FMN1: variants seen among roughly 807,000 people sequenced by gnomAD.
The protein encoded by FMN1 is formin-1.
A neutral mutation model predicts 132.4 loss-of-function variants in FMN1; 110 were observed. The observed-to-expected ratio is 0.83, with a 90% CI of 0.71 to 0.97. The LOEUF (loss-of-function observed/expected upper bound fraction) is 0.97. Among genes scored for constraint, FMN1 ranks in the 50% least tolerant of loss-of-function variants. The pLI is 0.00. For synonymous variants in FMN1, 722 were observed against 651.7 expected, an observed-to-expected ratio of 1.11 and a Z score of -1.64; for missense variants, 1,792 against 1,705.3, an observed-to-expected ratio of 1.05 and a Z score of -0.90.
At chr15:32,899,044 T>G (rs984151352) in intron 14 of FMN1, among the ~76,000 whole-genome samples, 151 bp from the exon 15 acceptor site, 16 of 152,210 alleles carry the variant, frequency 1.1e-4, no homozygotes, top group African/African-American at 2.9e-4. Context: ...CTCTGCTTTA[T>G]CCCATCCATT....
At chr15:32,897,990 A>G (rs1488250674) in intron 15 of FMN1, among the ~76,000 whole-genome samples, 2 of 152,108 alleles carry the variant, frequency 1.3e-5, no homozygotes, top group Non-Finnish European at 2.9e-5. Flanking sequence ...GGGGGCGGGG[A>G]AACGATGAGC....
At chr15:33,190,762 A>G (rs1394701324) in intron 2 of FMN1, among the ~76,000 whole-genome samples, 1 of 152,184 alleles carries the variant, frequency 6.6e-6, no homozygotes, top group African/African-American at 2.4e-5. Flanking sequence ...GCAGCATCAT[A>G]AAGGTGTCTC....
chr15:33,027,679 AT>A (rs57946559), intron 6 of FMN1, among the ~76,000 whole-genome samples: 5,116 of 152,274 alleles, frequency 0.034, 306 homozygotes, highest in African/African-American at 0.12. Context: ...CGACTTTCTC[AT>A]AACTGATACA....
At chr15:33,086,689 T>C (rs1303566087) in intron 5 of FMN1, among the ~76,000 whole-genome samples, 1 of 152,244 alleles carries the variant, frequency 6.6e-6, no homozygotes, top group African/African-American at 2.4e-5. Flanking sequence ...GACCAACAGA[T>C]GTCACTGTTA....
At chr15:33,061,604 T>C (rs935148123) in intron 6 of FMN1, among the ~76,000 whole-genome samples, 5 of 151,990 alleles carry the variant, frequency 3.3e-5, no homozygotes, top group African/African-American at 1.2e-4. Flanking sequence ...TAAGTTTTTC[T>C]AGAAGAATGA....
intron 17 of FMN1, among the ~76,000 whole-genome samples, chr15:32,824,651 TG>T (rs1412640971): frequency 6.6e-6 from 1 of 152,178 alleles, no homozygotes; most frequent in African/African-American, 2.4e-5. Context: ...TGGAGCACAG[TG>T]GTGCAATCAA....
At chr15:32,775,255 C>G (rs1308146534) in intron 20 of FMN1, among the ~76,000 whole-genome samples, 1 of 152,178 alleles carries the variant, frequency 6.6e-6, no homozygotes, top group African/African-American at 2.4e-5. Context: ...GACCCCATCC[C>G]TAACTTGCGA....
At chr15:33,178,511 T>A (rs1965592493) in intron 3 of FMN1, among the ~76,000 whole-genome samples, 1 of 152,222 alleles carries the variant, frequency 6.6e-6, no homozygotes, top group Admixed American at 6.5e-5. Flanking sequence ...CCCATGAACT[T>A]ACACTTTTGG....
intron 10 of FMN1, among the ~76,000 whole-genome samples, chr15:32,917,090 T>C (rs944211456): frequency 4.0e-5 from 6 of 151,822 alleles, no homozygotes; most frequent in South Asian, 2.1e-4. Context: ...CTCCCAACAA[T>C]GAGGTCATCC....
At position 32,911,549 on chromosome 15, in the gene FMN1, T is replaced by C. The variant is rs527871030; in HGVS notation, c.3227-1014A>G. On this transcript the variant is annotated intron_variant, in intron 10 of 20. Coordinates refer to ENST00000616417, the MANE Select transcript of FMN1 (RefSeq NM_001277313.2). ...GACCAAGGTAAGGGGCAGGTTGTTT[T>C]TGAGGTATTTTGCTTCTTCTGTGGT... is the stretch of plus-strand genomic sequence containing the variant. Among the ~76,000 whole-genome samples the C allele has an allele frequency of 3.3e-5, 5 of 152,294 alleles. No individual in the cohort carries two copies. The South Asian group carries it at 6.2e-4, about 19-fold the overall frequency.
At chr15:32,891,786 A>T (rs1057345163) in intron 15 of FMN1, among the ~76,000 whole-genome samples, 1 of 151,636 alleles carries the variant, frequency 6.6e-6, no homozygotes, top group Non-Finnish European at 1.5e-5. Flanking sequence ...ATTACTATAC[A>T]CACATATATA....
intron 8 of FMN1, 34 bp from the exon 9 acceptor site, chr15:32,964,291 A>AC (rs1433556504): frequency 2.0e-6 from 3 of 1,487,968 alleles, no homozygotes; most frequent in Non-Finnish European, 2.7e-6. Flanking sequence ...AACCATAAGA[A>AC]CCAAAACAGG....
chr15:32,898,162 T>A (rs1263418268), intron 15 of FMN1, among the ~76,000 whole-genome samples: 1 of 152,206 alleles, frequency 6.6e-6, no homozygotes, highest in African/African-American at 2.4e-5. Context: ...TTAGGAACAA[T>A]TATGCTTACA....
At chr15:32,846,975 A>C (rs1460526132) in intron 17 of FMN1, among the ~76,000 whole-genome samples, 3 of 152,354 alleles carry the variant, frequency 2.0e-5, no homozygotes, top group East Asian at 3.9e-4. Flanking sequence ...ATAGAAAGAA[A>C]GAGCCTGACT....
intron 2 of FMN1, among the ~76,000 whole-genome samples, 154 bp downstream of exon 2, chr15:33,193,755 C>A (rs1193321697): frequency 6.6e-6 from 1 of 151,940 alleles, no homozygotes; most frequent in Non-Finnish European, 1.5e-5. Flanking sequence ...ATCTCAATTG[C>A]AAATGAGGAT....
chr15:33,128,466 G>C (rs1337690485), intron 4 of FMN1, among the ~76,000 whole-genome samples: 1 of 152,100 alleles, frequency 6.6e-6, no homozygotes, highest in Non-Finnish European at 1.5e-5. Context: ...ACATTGCAAG[G>C]TCCATTTATA....
intron 5 of FMN1, among the ~76,000 whole-genome samples, chr15:33,070,343 T>C (rs2037947907): frequency 6.6e-6 from 1 of 150,994 alleles, no homozygotes. Flanking sequence ...GATCATCCAA[T>C]TCTAATATGG....
At chr15:32,897,689 A>G (rs977051323) in intron 15 of FMN1, among the ~76,000 whole-genome samples, 1 of 152,178 alleles carries the variant, frequency 6.6e-6, no homozygotes, top group Non-Finnish European at 1.5e-5. Context: ...TGAGTAGAAA[A>G]GCAATAGGAT....
chr15:32,823,340 A>AT (rs1438884971), intron 17 of FMN1, among the ~76,000 whole-genome samples: 3 of 151,394 alleles, frequency 2.0e-5, no homozygotes, highest in Non-Finnish European at 4.4e-5. Flanking sequence ...TTCTTTTTGT[A>AT]TTTTTAGTAG....
Sources: allele counts gnomAD v4.1 joint callset (sites outside exome capture counted in the v4.1 genomes callset), GRCh38; gene constraint gnomAD v4.1.1; transcripts MANE v1.5; gene names NCBI Gene and HGNC (gene_info 2026-07-23, HGNC 2026-07-21).